The following FAF1 variants were observed in gnomAD, a reference collection of about 807,000 sequenced individuals.
The protein encoded by FAF1 is FAS-associated factor 1.
Under a neutral mutation model 92.5 loss-of-function variants are expected in FAF1, and 25 were observed. That is an observed-to-expected ratio of 0.27 (90% CI 0.20 to 0.38). The LOEUF (loss-of-function observed/expected upper bound fraction) is 0.38. FAF1 is among the 10% of genes least tolerant of loss of function. The probability of loss-of-function intolerance (pLI) is 1.00; values close to 1 mark genes in which losing one functional copy is unlikely to be tolerated. For missense variants in FAF1, 636 were observed against 793.3 expected, an observed-to-expected ratio of 0.80 and a Z score of 2.38; for synonymous variants, 234 against 273.2, an observed-to-expected ratio of 0.86 and a Z score of 1.42.
intron 4 of FAF1, among the ~76,000 whole-genome samples, chr1:50,785,064 C>CT (rs1661310651): frequency 7.1e-6 from 1 of 141,226 alleles, no homozygotes; most frequent in South Asian, 2.3e-4. Flanking sequence ...AAACATAAGA[C>CT]TTGAAACTAT....
At chr1:50,554,123 A>AG (rs981053225) in intron 13 of FAF1, among the ~76,000 whole-genome samples, 13 of 150,562 alleles carry the variant, frequency 8.6e-5, no homozygotes, top group African/African-American at 2.7e-4. Flanking sequence ...TACCTCCTGC[A>AG]GGACTTTGCA....
intron 7 of FAF1, among the ~76,000 whole-genome samples, chr1:50,695,716 C>T (rs557137520): frequency 2.3e-4 from 35 of 152,202 alleles, no homozygotes; most frequent in African/African-American, 7.2e-4. Flanking sequence ...GGCGCGATCT[C>T]GGCTCACTTG....
chr1:50,539,601 C>T lies in FAF1; in HGVS notation c.1396G>A (p.Val466Met), dbSNP rs1348420541. The change falls in exon 14 of 19, where the codon GTG (valine) becomes ATG (methionine). Residue 466 changes from valine to methionine, a missense_variant. Transcript: ENST00000396153. ...GTGACATGTACTTTACCTTGTATCA[C>T]ATTCAACACTTCATTAGATGATCGC... ...GKRSSNEVLN[V>M]IQGNTTVDEL... 1 of 1,612,406 alleles carries T rather than the reference C, an allele frequency of 6.2e-7. No individual in the cohort carries two copies. Among genetic ancestry groups the T allele is most frequent in the Non-Finnish European group, 8.5e-7 (1 of 1,179,084 alleles).
intron 2 of FAF1, among the ~76,000 whole-genome samples, chr1:50,814,690 A>T (rs1194613425): frequency 6.6e-6 from 1 of 152,236 alleles, no homozygotes; most frequent in African/African-American, 2.4e-5. Flanking sequence ...GGACTTGAAT[A>T]GACATTTCTC....
intron 15 of FAF1, among the ~76,000 whole-genome samples, chr1:50,510,762 TTC>T (rs1419563255): frequency 6.6e-6 from 1 of 152,222 alleles, no homozygotes. Context: ...TCAAAAAGGT[TTC>T]TCTTTTTTTT....
chr1:50,920,361 A>G (rs1265373363), intron 1 of FAF1, among the ~76,000 whole-genome samples: 2 of 152,136 alleles, frequency 1.3e-5, no homozygotes, highest in East Asian at 3.9e-4. Flanking sequence ...GAAAAACAGC[A>G]GGCATTACTG....
intron 2 of FAF1, among the ~76,000 whole-genome samples, chr1:50,835,203 A>T (rs1427894595): frequency 6.6e-6 from 1 of 152,212 alleles, no homozygotes; most frequent in Admixed American, 6.5e-5. Context: ...GTGGGATTTT[A>T]GAAAGATCAC....
intron 7 of FAF1, among the ~76,000 whole-genome samples, chr1:50,664,140 G>A (rs767879629): frequency 4.0e-5 from 6 of 150,950 alleles, no homozygotes; most frequent in Non-Finnish European, 8.8e-5. Flanking sequence ...TGGGATTACA[G>A]GAATGTGCCA....
chr1:50,944,123 AAAG>A (rs1224147226), intron 1 of FAF1, among the ~76,000 whole-genome samples: 1 of 152,208 alleles, frequency 6.6e-6, no homozygotes, highest in Non-Finnish European at 1.5e-5. Context: ...AGATGGGAGT[AAAG>A]AAGTGTTCAC....
chr1:50,959,709 G>A (rs1406941934), intron 1 of FAF1, 58 bp downstream of exon 1: 2 of 1,470,882 alleles, frequency 1.4e-6, no homozygotes, highest in East Asian at 2.5e-5. Flanking sequence ...AGACTCCCTT[G>A]TGGCACCGGA....
chr1:50,922,373 C>T (rs12091252), intron 1 of FAF1, among the ~76,000 whole-genome samples: 2,795 of 142,202 alleles, frequency 0.02, 88 homozygotes, highest in African/African-American at 0.069. Context: ...GCAGGAGAAT[C>T]GCTTGAACCT....
Position 50,605,896 on chromosome 1 carries a change from A to T in FAF1, c.745-9680T>A, listed in dbSNP as rs1652360335. On this transcript the variant is annotated intron_variant, in intron 8 of 18. Transcript: ENST00000396153. ...CTTATTCAATAAATATTAAGTTATT[A>T]TATGTCAGGCACTTGGATCCAAATA... is the stretch of plus-strand genomic sequence containing the variant. Among the ~76,000 whole-genome samples, 5 of 152,218 alleles carry T rather than the reference A, an allele frequency of 3.3e-5. No homozygotes were observed. In the South Asian group the frequency reaches 1.0e-3, roughly 32 times the overall value.
chr1:50,656,344 C>CAA (rs77836738), intron 7 of FAF1, among the ~76,000 whole-genome samples: 2 of 77,602 alleles, frequency 2.6e-5, no homozygotes, highest in South Asian at 3.9e-4. Context: ...TACCACCGAC[C>CAA]AAAAAAAAAA....
chr1:50,736,259 T>C (rs1346994984), intron 6 of FAF1, among the ~76,000 whole-genome samples: 3 of 152,228 alleles, frequency 2.0e-5, no homozygotes, highest in Admixed American at 6.5e-5. Context: ...TTCTCCTTTT[T>C]AGATTATAAA....
chr1:50,948,388 C>T (rs993767134), intron 1 of FAF1, among the ~76,000 whole-genome samples: 2 of 152,130 alleles, frequency 1.3e-5, no homozygotes, highest in Non-Finnish European at 2.9e-5. Flanking sequence ...CTGGTGAGGG[C>T]CTCAAGGAGC....
At chr1:50,836,951 CTTTTTTTTTTTTT>C (rs528322924) in intron 2 of FAF1, among the ~76,000 whole-genome samples, 1 of 76,706 alleles carries the variant, frequency 1.3e-5, no homozygotes, top group African/African-American at 5.2e-5. Context: ...TGTTATGTTT[CTTTTTTTTTTTTT>C]TTTTTTTTTT....
chr1:50,709,758 C>T (rs1246167385), intron 6 of FAF1, among the ~76,000 whole-genome samples: 1 of 152,182 alleles, frequency 6.6e-6, no homozygotes, highest in African/African-American at 2.4e-5. Context: ...ACCGCTCATT[C>T]ATTCACTCTA....
At chr1:50,908,295 TG>T (rs1284756318) in intron 1 of FAF1, among the ~76,000 whole-genome samples, 7 of 152,192 alleles carry the variant, frequency 4.6e-5, no homozygotes, top group Non-Finnish European at 8.8e-5. Context: ...CTTCCAACTA[TG>T]TGGTCAATTT....
At chr1:50,625,211 A>G (rs189651527) in intron 8 of FAF1, among the ~76,000 whole-genome samples, 152 of 152,150 alleles carry the variant, frequency 1.0e-3, no homozygotes, top group Middle Eastern at 3.4e-3. Context: ...AGAATCCTAC[A>G]CTCTTAACAA....
Sources: gnomAD v4.1 joint callset for allele counts (sites outside exome capture counted in the v4.1 genomes callset) on GRCh38, gnomAD v4.1.1 for gene constraint, MANE v1.5 for transcripts, NCBI Gene and HGNC (gene_info 2026-07-23, HGNC 2026-07-21) for gene names.